The following RNPEP variants were observed in gnomAD, a reference collection of about 807,000 sequenced individuals.
RNPEP encodes arginyl aminopeptidase.
Under a neutral mutation model 70.1 loss-of-function variants are expected in RNPEP, and 57 were observed. That is an observed-to-expected ratio of 0.81 (90% confidence interval 0.66 to 1.01). RNPEP has a LOEUF of 1.01. RNPEP is among the 50% of genes least tolerant of loss of function. RNPEP has a pLI of 0.00. For synonymous variants in RNPEP, 335 were observed against 357.4 expected (o/e 0.94, Z 0.71); for missense variants, 787 against 852.4 (o/e 0.92, Z 0.96).
At chr1:201,993,956 C>A (rs1179004624) in intron 3 of RNPEP, among the ~76,000 whole-genome samples, 1 of 151,502 alleles carries the variant, frequency 6.6e-6, no homozygotes, top group African/African-American at 2.4e-5. Flanking sequence ...ATCCAGCCCC[C>A]CACCCTTGCC....
At chr1:201,985,468 G>A (rs1039285478) in intron 1 of RNPEP, among the ~76,000 whole-genome samples, 34 of 152,116 alleles carry the variant, frequency 2.2e-4, no homozygotes, top group Non-Finnish European at 2.8e-4. Flanking sequence ...TGTTGCCCAC[G>A]CTGGTCTTGA....
At chr1:201,986,370 C>T (rs554612795) in intron 1 of RNPEP, among the ~76,000 whole-genome samples, 113 of 152,188 alleles carry the variant, frequency 7.4e-4, no homozygotes, top group Non-Finnish European at 1.4e-3. Context: ...GCTGGCATTA[C>T]AGGTGTGAGC....
rs2102974133 is a variant in RNPEP, at chr1:201,996,410, G to GT, written c.854+148dup. 3 of 695,982 alleles carry GT rather than the reference G, an allele frequency of 4.3e-6. No homozygotes were observed. The South Asian group carries it at 5.1e-5, about 12-fold the overall frequency. The allele number at this position is 695,982 out of a possible 1,614,324, so 43.1% of individuals were successfully genotyped here. A position where few individuals can be genotyped will look rare whatever the true frequency, so the allele number is the denominator to read the frequency against. The stretch of plus-strand genomic sequence containing the variant: ...TGAAGGAGAGGAGGAAGAGAGGAGG[G>GT]TATGAGCCAGGCTTCTCACTGTTGC... On this transcript the variant is annotated intron_variant, in intron 4 of 10. Coordinates refer to ENST00000295640, the MANE Select transcript of RNPEP (RefSeq NM_020216.4).
intron 3 of RNPEP, chr1:201,995,941 T>A: frequency 1.8e-6 from 1 of 554,332 alleles, no homozygotes; most frequent in Non-Finnish European, 3.2e-6. Flanking sequence ...TCCACCTCCA[T>A]GAGGCTGTCT....
At chr1:201,986,626 C>T (rs962314762) in intron 1 of RNPEP, among the ~76,000 whole-genome samples, 1 of 147,874 alleles carries the variant, frequency 6.8e-6, no homozygotes, top group Non-Finnish European at 1.5e-5. Context: ...CTGCAACCTC[C>T]GCCTCCCTGG....
chr1:202,003,480 C>T lies in RNPEP; in HGVS notation c.1651+19C>T. On this transcript the variant is annotated intron_variant, in intron 9 of 10. Transcript: ENST00000295640. ...CCTCCTGGTAAGAAAAAATGGTGAA[C>T]CAGGGCTCCTTGTGTGCACAGCTTT... The T allele has an allele frequency of 6.4e-7, 1 of 1,551,010 alleles. No homozygotes were observed. Among genetic ancestry groups the T allele is most frequent in the Non-Finnish European group, 8.9e-7 (1 of 1,125,356 alleles).
intron 1 of RNPEP, among the ~76,000 whole-genome samples, chr1:201,988,441 G>C (rs2102964062): frequency 7.6e-6 from 1 of 131,908 alleles, no homozygotes; most frequent in South Asian, 2.5e-4. Context: ...CTGGGCGACA[G>C]AGCGATACTC....
intron 3 of RNPEP, 154 bp from the exon 4 acceptor site, chr1:201,995,993 C>A: frequency 1.6e-6 from 1 of 618,696 alleles, no homozygotes; most frequent in Non-Finnish European, 2.9e-6. Context: ...TCTCTTGGAT[C>A]TGTGTGGTGA....
rs546106947 is a variant in RNPEP at position 201,982,654 on chromosome 1, C to A, written c.-13C>A. ...GGTTCGCGGCCCGGCCGGTGAGCAA[C>A]GGCTCTGCGGCCATGGCGAGCGGCG... On this transcript the variant is annotated 5_prime_UTR_variant, in exon 1 of 11. Transcript: ENST00000295640. 66 of 1,270,254 alleles carry A rather than the reference C, an allele frequency of 5.2e-5. No individual in the cohort carries two copies. In the South Asian group the frequency reaches 5.2e-4, roughly 10 times the overall value. 78.7% of individuals were successfully genotyped at this position (1,270,254 alleles called of 1,614,324 possible). A position where few individuals can be genotyped will look rare whatever the true frequency, so the allele number is the denominator to read the frequency against.
intron 1 of RNPEP, 44 bp from the exon 2 acceptor site, chr1:201,988,860 C>T (rs918350706): frequency 3.8e-6 from 6 of 1,573,806 alleles, no homozygotes; most frequent in Middle Eastern, 2.3e-4. Context: ...AGACTGAGCT[C>T]GTGTGGGAGA....
intron 1 of RNPEP, 102 bp downstream of exon 1, chr1:201,983,215 G>A: frequency 7.1e-7 from 1 of 1,418,292 alleles, no homozygotes; most frequent in East Asian, 2.7e-5. Flanking sequence ...GGACAGGGAG[G>A]ACCCTTCCAG....
chr1:201,984,846 TTTTTTTTTTTTG>T (rs1558258105), intron 1 of RNPEP, among the ~76,000 whole-genome samples: 3 of 129,216 alleles, frequency 2.3e-5, no homozygotes, highest in African/African-American at 2.9e-5. Context: ...TTTTTTTTTT[TTTTTTTTTTTTG>T]AGAAGGGATC....
At chr1:201,987,239 G>C (rs894721744) in intron 1 of RNPEP, among the ~76,000 whole-genome samples, 3 of 151,914 alleles carry the variant, frequency 2.0e-5, no homozygotes, top group Non-Finnish European at 4.4e-5. Context: ...TCAATCCTGC[G>C]TGTCTTTGAA....
intron 3 of RNPEP, among the ~76,000 whole-genome samples, chr1:201,990,268 A>G (rs1225554866): frequency 6.6e-6 from 1 of 152,196 alleles, no homozygotes; most frequent in Non-Finnish European, 1.5e-5. Flanking sequence ...GGAAATAACA[A>G]CTTTGGTATC....
chr1:201,996,134 C>G lies in RNPEP; in HGVS notation c.738-13C>G. On this transcript the variant is annotated splice_polypyrimidine_tract_variant and intron_variant, in intron 3 of 10. Coordinates refer to ENST00000295640, the MANE Select transcript of RNPEP (RefSeq NM_020216.4). ...TAAACACCATTCTGCTTTCTCTGCT[C>G]TCTTGTCTTTAGGAGCCGGGTGTGG... 1 of 1,606,386 alleles carries G rather than the reference C, an allele frequency of 6.2e-7. No homozygotes were observed. The highest frequency in any genetic ancestry group is 8.5e-7 in the Non-Finnish European group (1 of 1,173,080).
In RNPEP at chr1:201,997,485, T is replaced by C; in HGVS notation, c.1021T>C (p.Trp341Arg). Reference protein sequence around the residue: ...WFGNLVTNANWGEFWLNEGFT... With the variant: ...WFGNLVTNANRGEFWLNEGFT... ...TGGGAACCTGGTCACCAACGCCAAC[T>C]GGGGTGAATTCTGGCTCAATGAAGG... The change falls in exon 5 of 11, where the codon TGG (tryptophan) becomes CGG (arginine). Residue 341 changes from tryptophan (W) to arginine (R), a missense_variant. Transcript: ENST00000295640. 7 of 1,614,126 alleles carry C rather than the reference T, an allele frequency of 4.3e-6. No individual in the cohort carries two copies. Among genetic ancestry groups the C allele is most frequent in the Non-Finnish European group, 5.1e-6 (6 of 1,180,028 alleles).
intron 3 of RNPEP, among the ~76,000 whole-genome samples, chr1:201,993,948 C>T (rs546304125): frequency 6.7e-6 from 1 of 148,368 alleles, no homozygotes; most frequent in South Asian, 2.2e-4. Flanking sequence ...CCATTGGAAT[C>T]CAGCCCCCCA....
chr1:201,989,296 A>T, intron 2 of RNPEP, 87 bp from the exon 3 acceptor site: 4 of 1,481,794 alleles, frequency 2.7e-6, no homozygotes, highest in Non-Finnish European at 3.7e-6. Flanking sequence ...TTATCATCAC[A>T]CACAGGTGGC....
chr1:201,987,428 C>CTTTTTT (rs200892295), intron 1 of RNPEP, among the ~76,000 whole-genome samples: 1 of 111,978 alleles, frequency 8.9e-6, no homozygotes, highest in Non-Finnish European at 1.8e-5. Flanking sequence ...TCAGATTTTA[C>CTTTTTT]TTTTTTTTTT....
Sources: gnomAD v4.1 joint callset for allele counts (sites outside exome capture counted in the v4.1 genomes callset) on GRCh38, gnomAD v4.1.1 for gene constraint, MANE v1.5 for transcripts, NCBI Gene and HGNC (gene_info 2026-07-23, HGNC 2026-07-21) for gene names.